The following TRIM66 variants were observed in gnomAD, a reference collection of about 807,000 sequenced individuals.
The protein encoded by TRIM66 is tripartite motif-containing protein 66.
In TRIM66, 99 loss-of-function variants were observed where a neutral mutation model predicts 148.2. That is an observed-to-expected ratio of 0.67 (90% CI 0.57 to 0.79). The LOEUF (loss-of-function observed/expected upper bound fraction) is 0.79. Ranked by LOEUF, TRIM66 falls within the 30% of genes least tolerant of loss-of-function variation. TRIM66 has a pLI of 0.00. For missense variants in TRIM66, 1,666 were observed against 1,697.9 expected (o/e 0.98, Z 0.33); for synonymous variants, 616 against 635.9 (o/e 0.97, Z 0.47).
At chr11:8,656,685 T>C (rs1281182554) in intron 6 of TRIM66, among the ~76,000 whole-genome samples, 1 of 152,204 alleles carries the variant, frequency 6.6e-6, no homozygotes, top group Non-Finnish European at 1.5e-5. Flanking sequence ...GCGAATACAA[T>C]GTACAACCAA....
intron 6 of TRIM66, among the ~76,000 whole-genome samples, chr11:8,668,784 C>T (rs1020251379): frequency 2.0e-5 from 3 of 152,042 alleles, no homozygotes; most frequent in African/African-American, 7.2e-5. Flanking sequence ...CGGGGTTTCA[C>T]CATGTTGCCC....
intron 3 of TRIM66, among the ~76,000 whole-genome samples, chr11:8,678,857 G>C (rs2039298854): frequency 6.6e-6 from 1 of 152,212 alleles, no homozygotes. Context: ...GCCTTCTTCA[G>C]GGTGATGATG....
In TRIM66 at chr11:8,671,839, C is replaced by A. The variant is rs542326169; in HGVS notation, c.287G>T (p.Gly96Val). The change falls in exon 6 of 25, where the codon GGC (glycine) becomes GTC (valine). Residue 96 changes from glycine (G) to valine (V), a missense_variant. Gly to Val is a moderately radical substitution (Grantham distance 109, BLOSUM62 -3). Coordinates refer to ENST00000646038, the MANE Select transcript of TRIM66 (RefSeq NM_001388022.1). Reference protein sequence around the residue: ...QHLLRKDCFQGLIQELGQIAK... With the variant: ...QHLLRKDCFQVLIQELGQIAK... ...AATCTGCCCTAGCTCCTGTATCAAG[C>A]CCTGGAAGCAGTCCTTACGGAGCAA... 15 of 1,531,046 alleles carry A rather than the reference C, an allele frequency of 9.8e-6. No individual in the cohort carries two copies. Among genetic ancestry groups the A allele is most frequent in the South Asian group, 3.6e-5 (3 of 83,960 alleles). 94.8% of individuals were successfully genotyped at this position (1,531,046 alleles called of 1,614,324 possible).
intron 6 of TRIM66, among the ~76,000 whole-genome samples, chr11:8,664,096 T>C (rs2038433158): frequency 6.6e-6 from 1 of 152,182 alleles, no homozygotes; most frequent in African/African-American, 2.4e-5. Context: ...TAATATATTG[T>C]ATTCTTGAAA....
intron 4 of TRIM66, among the ~76,000 whole-genome samples, chr11:8,673,231 A>C (rs1401010575): frequency 6.6e-6 from 1 of 151,990 alleles, no homozygotes; most frequent in Admixed American, 6.6e-5. Flanking sequence ...CCCGGCCCAC[A>C]CTCTTAATTA....
chr11:8,666,902 TG>T (rs1166989710), intron 6 of TRIM66, among the ~76,000 whole-genome samples: 1 of 152,182 alleles, frequency 6.6e-6, no homozygotes. Context: ...CTCCACTTCC[TG>T]GGTTCAAGTG....
intron 8 of TRIM66, 112 bp from the exon 9 acceptor site, chr11:8,648,660 C>T: frequency 7.6e-7 from 1 of 1,307,432 alleles, no homozygotes; most frequent in South Asian, 1.5e-5. Context: ...AAATACAGAG[C>T]TCGGGGGAAG....
chr11:8,645,939 C>A, intron 11 of TRIM66, 52 bp from the exon 12 acceptor site: 2 of 1,531,628 alleles, frequency 1.3e-6, no homozygotes, highest in South Asian at 1.2e-5. Context: ...GACTGTAATC[C>A]ACCTGCTTGG....
rs115248232 is a variant in TRIM66 at position 8,658,917 on chromosome 11, T to C, written c.341-7014A>G. ...CACAGTCAGTTGCCATAGTGACCAA[T>C]TGTCCGTCACAAGCAGAGGATTAGG... On this transcript the variant is annotated intron_variant, in intron 6 of 24. Coordinates refer to ENST00000646038, the MANE Select transcript of TRIM66 (RefSeq NM_001388022.1). 9.2e-4 allele frequency: 471 copies of C among 513,522 alleles called. 2 individuals carry two copies. The highest frequency in any genetic ancestry group is 8.9e-3 in the African/African-American group (424 of 47,908). The allele number at this position is 513,522 out of a possible 1,614,324, so 31.8% of individuals were successfully genotyped here. A position where few individuals can be genotyped will look rare whatever the true frequency, so the allele number is the denominator to read the frequency against.
In TRIM66 at chr11:8,622,688, T is replaced by C. The variant is rs370806727; in HGVS notation, c.3080+128A>G. On this transcript the variant is annotated intron_variant, in intron 18 of 24. Transcript: ENST00000646038. The stretch of plus-strand genomic sequence containing the variant: ...AGACATCCACTTGAAGGTTGAGGGG[T>C]TGAGGAAGGCAGTTGCAGGCAAATT... 1.6e-5 allele frequency: 13 copies of C among 808,578 alleles called. No homozygotes were observed. In the African/African-American group the frequency reaches 2.2e-4, roughly 14 times the overall value. The allele number at this position is 808,578 out of a possible 1,614,324, so 50.1% of individuals were successfully genotyped here. A position where few individuals can be genotyped will look rare whatever the true frequency, so the allele number is the denominator to read the frequency against.
rs1473649527 is a variant in TRIM66, at chr11:8,640,531, G to A, written c.1844C>T (p.Pro615Leu). The A allele has an allele frequency of 3.3e-6, 5 of 1,531,868 alleles. No homozygotes were observed. The Admixed American group carries it at 7.9e-5, about 24-fold the overall frequency. The allele number at this position is 1,531,868 out of a possible 1,614,324, so 94.9% of individuals were successfully genotyped here. The stretch of plus-strand genomic sequence containing the variant: ...TGGCTGCTGTGGGGGAGGGGGAAGG[G>A]GAGGTGGGGGATGGGGGAGGGGTGG... ...PPPPLPHPPPPLPPPPQQPHP... is the reference protein window; with the variant it reads ...PPPPLPHPPPLLPPPPQQPHP... The change falls in exon 14 of 25, where the codon CCC (proline) becomes CTC (leucine). Residue 615 changes from proline (P) to leucine (L), a missense_variant. This residue lies in a region of TRIM66 where 1,431 missense variants were observed against 1,412.4 expected (regional missense o/e 1.01). Transcript: ENST00000646038.
chr11:8,671,285 T>A (rs1394356205), intron 6 of TRIM66, among the ~76,000 whole-genome samples: 1 of 152,238 alleles, frequency 6.6e-6, no homozygotes, highest in Non-Finnish European at 1.5e-5. Flanking sequence ...GGTTCCCGTC[T>A]CCAGTGACTG....
chr11:8,679,866 G>A (rs1004998706), intron 2 of TRIM66, 35 bp downstream of exon 2: 4 of 152,400 alleles, frequency 2.6e-5, no homozygotes, highest in Non-Finnish European at 4.4e-5. Flanking sequence ...GGGATCTGGA[G>A]AGAGAAGACT....
chr11:8,676,683 G>A (rs1293777196), intron 3 of TRIM66, among the ~76,000 whole-genome samples: 2 of 152,174 alleles, frequency 1.3e-5, no homozygotes, highest in African/African-American at 2.4e-5. Context: ...TTGAGAAGAC[G>A]AAGGGTCAAA....
upstream of TRIM66, chr11:8,682,828 G>C (rs746315853): frequency 6.2e-7 from 1 of 1,611,428 alleles, no homozygotes; most frequent in Admixed American, 1.7e-5. Context: ...TAGGTGTTTC[G>C]TTTCTTGCCT....
intron 6 of TRIM66, among the ~76,000 whole-genome samples, chr11:8,655,839 T>C (rs1806232241): frequency 6.6e-6 from 1 of 151,910 alleles, no homozygotes; most frequent in Admixed American, 6.6e-5. Context: ...TTGGGCAAGA[T>C]AGGAAGGAAC....
Position 8,615,247 on chromosome 11 carries a change from T to G in TRIM66, c.*2697A>C, listed in dbSNP as rs2033652487. The G allele has an allele frequency of 6.6e-6, 1 of 152,234 alleles. No homozygotes were observed. Among genetic ancestry groups the G allele is most frequent in the Non-Finnish European group, 1.5e-5 (1 of 68,050 alleles). The allele number at this position is 152,234 out of a possible 1,614,324, so 9.4% of individuals were successfully genotyped here. Reference sequence around the variant, plus strand: ...CCCAGCCAAAAAATAAAATAAAATTTAAAAATCCTGAACCAATTTTTAACT... The same window carrying G: ...CCCAGCCAAAAAATAAAATAAAATTGAAAAATCCTGAACCAATTTTTAACT... On this transcript the variant is annotated 3_prime_UTR_variant, in exon 25 of 25. Transcript: ENST00000646038.
In TRIM66 at chr11:8,645,840, G is replaced by T. The variant is rs1307011844; in HGVS notation, c.1005C>A (p.Ser335Arg). The T allele has an allele frequency of 6.4e-7, 1 of 1,551,726 alleles. No individual in the cohort carries two copies. Among genetic ancestry groups the T allele is most frequent in the Non-Finnish European group, 8.7e-7 (1 of 1,146,986 alleles). Residue 335 changes from serine to arginine, a missense_variant, in exon 12 of 25, where the codon AGC (serine) becomes AGA (arginine). Ser to Arg is a moderately radical substitution (Grantham distance 110). Transcript: ENST00000646038. ...RKRKLEQQLQ[S>R]IMVLNRQFEH... The stretch of plus-strand genomic sequence containing the variant: ...CAAACTGACGGTTGAGAACCATGAT[G>T]CTCTGTAACTGCTGTTCCAGCTTCC...
At chr11:8,643,932 G>A (rs1383219575) in intron 12 of TRIM66, among the ~76,000 whole-genome samples, 3 of 152,052 alleles carry the variant, frequency 2.0e-5, no homozygotes, top group African/African-American at 7.3e-5. Flanking sequence ...CTATCCTCTA[G>A]TTAACTAATG....
Sources: allele counts gnomAD v4.1 joint callset (sites outside exome capture counted in the v4.1 genomes callset), GRCh38; gene constraint gnomAD v4.1.1; regional missense constraint gnomAD v4.1.1; transcripts MANE v1.5; gene names NCBI Gene and HGNC (gene_info 2026-07-23, HGNC 2026-07-21).